DCAF5: variants seen among roughly 807,000 people sequenced by gnomAD.
DCAF5 encodes DDB1- and CUL4-associated factor 5.
A neutral mutation model predicts 80.7 loss-of-function variants in DCAF5; 9 were observed. The ratio of observed to expected loss-of-function variants is 0.11; its 90% CI spans 0.07 to 0.19. The LOEUF (loss-of-function observed/expected upper bound fraction) is 0.19, where lower values mean the gene tolerates loss of function less well. Among genes scored for constraint, DCAF5 ranks in the 10% least tolerant of loss-of-function variants. The pLI, the probability that DCAF5 is intolerant of heterozygous loss-of-function variation, is 1.00. For missense variants in DCAF5, 842 were observed against 1,205.7 expected, an observed-to-expected ratio of 0.70 and a Z score of 4.47; for synonymous variants, 433 against 461.9, an observed-to-expected ratio of 0.94 and a Z score of 0.80.
chr14:69,140,832 G>A (rs562363098), intron 1 of DCAF5, among the ~76,000 whole-genome samples: 8 of 152,024 alleles, frequency 5.3e-5, no homozygotes, highest in Admixed American at 1.3e-4. Context: ...AAGTGGCAGC[G>A]GAGGCCAGGA....
chr14:69,080,947 C>T (rs978467379), intron 6 of DCAF5, among the ~76,000 whole-genome samples: 4 of 151,552 alleles, frequency 2.6e-5, no homozygotes, highest in Admixed American at 2.6e-4. Context: ...TTTTTTTTAA[C>T]GTCATTCTAA....
chr14:69,116,546 T>C lies in DCAF5; in HGVS notation c.536-51A>G, dbSNP rs73278972. 2.1e-3 allele frequency: 3,358 copies of C among 1,589,296 alleles called. 70 individuals are homozygous for C. In the African/African-American group the frequency reaches 0.038, roughly 18 times the overall value. Reference sequence around the variant, plus strand: ...TTCACTCCAGGTACCTGTGGGCCACTGGCAGGCAGATAATCAGGAATGTGA... The same window carrying C: ...TTCACTCCAGGTACCTGTGGGCCACCGGCAGGCAGATAATCAGGAATGTGA... On this transcript the variant is annotated intron_variant, in intron 4 of 8. Transcript: ENST00000341516.
intron 2 of DCAF5, among the ~76,000 whole-genome samples, chr14:69,119,434 G>A (rs2040640867): frequency 6.6e-6 from 1 of 151,838 alleles, no homozygotes; most frequent in Admixed American, 6.6e-5. Flanking sequence ...AAAAAATAAT[G>A]GCATCCAAGT....
In DCAF5 at chr14:69,054,257, C is replaced by T. The variant is rs2037864363; in HGVS notation, c.2429G>A (p.Gly810Asp). ...ATCAGACTGGGTCCTGGGACAGTTG[C>T]CAGACCCGCTGTTGAGAGTGGAGCC... ...ASGSTLNSGS[G>D]NCPRTQSDDS... The change falls in exon 9 of 9, where the codon GGC becomes GAC. Residue 810 changes from glycine (G) to aspartate (D), a missense_variant. By Grantham distance (94) the Gly-to-Asp change is moderately conservative (BLOSUM62 -1). Transcript: ENST00000341516. The T allele has an allele frequency of 1.9e-6, 3 of 1,614,108 alleles. No individual in the cohort carries two copies. Among genetic ancestry groups the T allele is most frequent in the Non-Finnish European group, 2.5e-6 (3 of 1,180,046 alleles).
intron 5 of DCAF5, among the ~76,000 whole-genome samples, chr14:69,097,584 T>TATTA (rs748769287): frequency 9.5e-5 from 6 of 63,042 alleles, no homozygotes; most frequent in African/African-American, 1.9e-4. Flanking sequence ...TTATTATTAT[T>TATTA]TTTTTTTTTT....
In DCAF5 at chr14:69,109,955, T is replaced by C. The variant is rs114273672; in HGVS notation, c.665+6411A>G. On this transcript the variant is annotated intron_variant, in intron 5 of 8. Coordinates refer to ENST00000341516, the MANE Select transcript of DCAF5 (RefSeq NM_003861.3). The stretch of plus-strand genomic sequence containing the variant: ...CACCTAAAATGTATGAGTGTTTCAG[T>C]TGGTCCATACCCTTGTTAACACCTA... Among the ~76,000 whole-genome samples the C allele has an allele frequency of 5.8e-3, 890 of 152,328 alleles. 3 individuals are homozygous for C. Among genetic ancestry groups the C allele is most frequent in the African/African-American group, 0.018 (763 of 41,576 alleles).
At chr14:69,141,139 TAAAAAAAAAAAA>T (rs11396838) in intron 1 of DCAF5, among the ~76,000 whole-genome samples, 49 of 59,426 alleles carry the variant, frequency 8.2e-4, no homozygotes, top group Non-Finnish European at 1.3e-3. Context: ...ATCTCAAATT[TAAAAAAAAAAAA>T]AAAAAAAAAA....
At chr14:69,059,363 TAG>T (rs968214489) in intron 8 of DCAF5, among the ~76,000 whole-genome samples, 1 of 150,862 alleles carries the variant, frequency 6.6e-6, no homozygotes, top group Admixed American at 6.6e-5. Flanking sequence ...GAAGGGGGAG[TAG>T]AGAGAGAAAA....
chr14:69,128,813 C>T (rs2040952578), intron 1 of DCAF5, among the ~76,000 whole-genome samples: 1 of 151,902 alleles, frequency 6.6e-6, no homozygotes, highest in African/African-American at 2.4e-5. Context: ...ATCTGCCAGG[C>T]CCAGTGGCTC....
intron 5 of DCAF5, among the ~76,000 whole-genome samples, chr14:69,097,582 A>AT (rs755644268): frequency 2.4e-3 from 300 of 125,290 alleles, no homozygotes; most frequent in African/African-American, 4.2e-3. Flanking sequence ...TATTATTATT[A>AT]TTTTTTTTTT....
At chr14:69,089,027 C>T (rs1454891955) in intron 6 of DCAF5, among the ~76,000 whole-genome samples, 1 of 152,134 alleles carries the variant, frequency 6.6e-6, no homozygotes, top group African/African-American at 2.4e-5. Flanking sequence ...AGATTAGTTC[C>T]ACTATAAATC....
chr14:69,066,054 T>C (rs1310278402), intron 7 of DCAF5, among the ~76,000 whole-genome samples: 4 of 152,088 alleles, frequency 2.6e-5, no homozygotes, highest in Non-Finnish European at 5.9e-5. Context: ...TGAGCTGCCA[T>C]TTGTTTATAA....
At chr14:69,103,688 A>G (rs2040040705) in intron 5 of DCAF5, among the ~76,000 whole-genome samples, 1 of 152,252 alleles carries the variant, frequency 6.6e-6, no homozygotes, top group Non-Finnish European at 1.5e-5. Flanking sequence ...GTATATGTAC[A>G]TCATGCATAG....
Position 69,118,395 on chromosome 14 carries a change from G to A in DCAF5, c.396-117C>T. On this transcript the variant is annotated intron_variant, in intron 3 of 8. Transcript: ENST00000341516. This position sits in a 1 kb window ranked among gnomAD's most constrained non-coding sequence, Gnocchi z 4.0. ...CCATTTCTAGAAGAAAGTCAACCTAGCTAAACCCAAAAAATATTATATTTC... is the reference window on the plus strand; with the variant it reads ...CCATTTCTAGAAGAAAGTCAACCTAACTAAACCCAAAAAATATTATATTTC... 1 of 1,062,400 alleles carries A rather than the reference G, an allele frequency of 9.4e-7. No homozygotes were observed. The highest frequency in any genetic ancestry group is 1.3e-6 in the Non-Finnish European group (1 of 771,822). The allele number at this position is 1,062,400 out of a possible 1,614,324, so 65.8% of individuals were successfully genotyped here.
chr14:69,123,530 C>T (rs1032962688), intron 1 of DCAF5, among the ~76,000 whole-genome samples: 1 of 152,090 alleles, frequency 6.6e-6, no homozygotes, highest in Admixed American at 6.5e-5. Flanking sequence ...TATATATATA[C>T]ATGTAACTTA....
intron 1 of DCAF5, among the ~76,000 whole-genome samples, chr14:69,146,200 T>C (rs1054232484): frequency 6.6e-6 from 1 of 152,212 alleles, no homozygotes; most frequent in Non-Finnish European, 1.5e-5. Flanking sequence ...CACATTGGCA[T>C]AAATCAAATT....
rs1018588626 is a variant in DCAF5, at chr14:69,105,913, T to C, written c.665+10453A>G. ...TGAGCCAATTTTCCCTAATAAACTG[T>C]CATATATATATATATATATATATAT... On this transcript the variant is annotated intron_variant, in intron 5 of 8. Transcript: ENST00000341516. 7.0e-4 allele frequency among the ~76,000 whole-genome samples: 13 copies of C among 18,666 alleles called. No homozygotes were observed. The East Asian group carries it at 0.059, about 84-fold the overall frequency. 12.2% of individuals were successfully genotyped at this position (18,666 alleles called of 152,430 possible). A position where few individuals can be genotyped will look rare whatever the true frequency, so the allele number is the denominator to read the frequency against.
chr14:69,058,414 G>GA (rs1414074303), intron 8 of DCAF5, among the ~76,000 whole-genome samples: 1 of 152,002 alleles, frequency 6.6e-6, no homozygotes, highest in Non-Finnish European at 1.5e-5. Flanking sequence ...AGCTACTCGG[G>GA]AGGCTGAGGC....
chr14:69,067,337 CTTTTTTTTTT>C (rs58620965), intron 7 of DCAF5, among the ~76,000 whole-genome samples: 41,052 of 116,076 alleles, frequency 0.35, 7,689 homozygotes, highest in East Asian at 0.89. Flanking sequence ...GATTTCGTAT[CTTTTTTTTTT>C]TTTTTTTTTT....
Sources: gnomAD v4.1 joint callset for allele counts (sites outside exome capture counted in the v4.1 genomes callset) on GRCh38, gnomAD v4.1.1 for gene constraint, Gnocchi (gnomAD v3.1) non-coding constraint, MANE v1.5 for transcripts, NCBI Gene and HGNC (gene_info 2026-07-23, HGNC 2026-07-21) for gene names.